The following SYT3 variants were observed in gnomAD, a reference collection of about 807,000 sequenced individuals.
The protein encoded by SYT3 is synaptotagmin-3.
SYT3 carries 25 observed loss-of-function variants against 50.6 expected under a neutral mutation model. The observed-to-expected ratio is 0.49, with a 90% confidence interval of 0.36 to 0.69. The LOEUF (loss-of-function observed/expected upper bound fraction) is 0.69, where lower values mean the gene tolerates loss of function less well. SYT3 is among the 30% of genes least tolerant of loss of function. The pLI is 0.00. For missense variants in SYT3, 589 were observed against 793.6 expected (o/e 0.74, Z 3.10); for synonymous variants, 323 against 353.9 (o/e 0.91, Z 0.98).
chr19:50,629,260 G>A (rs767946573), intron 6 of SYT3, 34 bp downstream of exon 6: 2 of 1,545,098 alleles, frequency 1.3e-6, no homozygotes, highest in South Asian at 2.4e-5. Context: ...TCAGGGCCCT[G>A]GGAAGGGGAA....
At chr19:50,655,625 G>T in the SYT3 span, among the ~76,000 whole-genome samples, 2 of 151,692 alleles carry the variant, frequency 1.3e-5, no homozygotes, top group Non-Finnish European at 2.9e-5. Context: ...CTCCAGCCTG[G>T]GCGACAGAAC....
rs1212928590 is a variant in SYT3 at position 50,637,184 on chromosome 19, G to A, written c.148+80C>T. 1 of 1,536,880 alleles carries A rather than the reference G, an allele frequency of 6.5e-7. No individual in the cohort carries two copies. The highest frequency in any genetic ancestry group is 1.4e-5 in the African/African-American group (1 of 73,670). On this transcript the variant is annotated intron_variant, in intron 3 of 10. Coordinates refer to ENST00000600079, the MANE Select transcript of SYT3 (RefSeq NM_001160329.2). This position sits in a 1 kb window ranked among gnomAD's most constrained non-coding sequence, Gnocchi z 4.9. ...ACGAGGGACTGACCCCACAAGCAAT[G>A]GAAAGCTGAGCAGTTCTGCTCCGAG...
the SYT3 span, among the ~76,000 whole-genome samples, chr19:50,646,373 C>T: frequency 6.6e-6 from 1 of 151,864 alleles, no homozygotes; most frequent in African/African-American, 2.4e-5. Flanking sequence ...TATGTTGGCT[C>T]GTGAAGACCA....
In SYT3 at chr19:50,632,780, CACGAT is replaced by C; in HGVS notation, c.175_179del (p.Ile59AspfsTer84). 1 of 1,520,608 alleles carries C rather than the reference CACGAT, an allele frequency of 6.6e-7. No individual in the cohort carries two copies. Among genetic ancestry groups the C allele is most frequent in the Non-Finnish European group, 8.8e-7 (1 of 1,136,478 alleles). 94.2% of individuals were successfully genotyped at this position (1,520,608 alleles called of 1,614,324 possible). ...CCAGAAGGACAATGCCACAGAATGT[CACGAT>C]GACCGACAGCAGGCTCACGGAGATG... On this transcript the variant is annotated frameshift_variant, in exon 4 of 11. Coordinates refer to ENST00000600079, the MANE Select transcript of SYT3 (RefSeq NM_001160329.2). LOFTEE classifies it high-confidence loss of function. This position sits in a 1 kb window ranked among gnomAD's most constrained non-coding sequence, Gnocchi z 4.7.
intron 4 of SYT3, among the ~76,000 whole-genome samples, chr19:50,631,167 CTT>C (rs869146014): frequency 0.044 from 902 of 20,606 alleles, 3 homozygotes; most frequent in African/African-American, 0.17. Context: ...TTCTTTCTTT[CTT>C]TTTTTTTTTT....
At chr19:50,643,260 G>A (rs140615163), upstream of SYT3, among the ~76,000 whole-genome samples, 511 of 152,146 alleles carry the variant, frequency 3.4e-3, 2 homozygotes, top group Non-Finnish European at 6.4e-3. Context: ...AGTCCCACCT[G>A]CTTGGGGGGA....
the SYT3 span, among the ~76,000 whole-genome samples, chr19:50,650,583 A>G: frequency 3.3e-5 from 5 of 152,260 alleles, no homozygotes; most frequent in Admixed American, 6.5e-5. Flanking sequence ...AGGCAGGAGA[A>G]TCGCTTGAAC....
the SYT3 span, among the ~76,000 whole-genome samples, chr19:50,650,688 A>G: frequency 6.6e-6 from 1 of 152,148 alleles, no homozygotes; most frequent in Admixed American, 6.5e-5. Context: ...AAAACAAACA[A>G]ACAAACAAAC....
At chr19:50,635,484 CAGT>C (rs1984467734) in intron 3 of SYT3, among the ~76,000 whole-genome samples, 1 of 152,198 alleles carries the variant, frequency 6.6e-6, no homozygotes, top group Non-Finnish European at 1.5e-5. Context: ...TGTAGTTGCG[CAGT>C]AGAAGATTCA....
chr19:50,642,257 T>C (rs1984694562), upstream of SYT3, among the ~76,000 whole-genome samples: 2 of 152,250 alleles, frequency 1.3e-5, no homozygotes. Flanking sequence ...GGTAGCCCTG[T>C]TCCACAGGGA....
the SYT3 span, among the ~76,000 whole-genome samples, chr19:50,655,445 T>G: frequency 3.9e-5 from 6 of 152,026 alleles, no homozygotes; most frequent in South Asian, 6.2e-4. Context: ...GGTCATGAGA[T>G]TGAGATCATC....
At position 50,639,416 on chromosome 19, in the gene SYT3, A is replaced by AT. The variant is rs372300675; in HGVS notation, c.-153-255dup. ...GCCTCCGGGCTGCAGAGAGGATGGG[A>AT]TTTTTTTTTTTTTTTTAAGGTTTTG... On this transcript the variant is annotated intron_variant, in intron 1 of 10. Coordinates refer to ENST00000600079, the MANE Select transcript of SYT3 (RefSeq NM_001160329.2). The surrounding 1 kb of genome is among the most constrained non-coding windows in gnomAD (Gnocchi z 4.6). The AT allele has an allele frequency of 6.3e-3, 905 of 143,890 alleles. 8 individuals carry two copies. Among genetic ancestry groups the AT allele is most frequent in the African/African-American group, 0.014 (534 of 39,410 alleles). 8.9% of individuals were successfully genotyped at this position (143,890 alleles called of 1,614,324 possible).
chr19:50,640,591 C>A (rs145540248), upstream of SYT3, among the ~76,000 whole-genome samples: 1,071 of 152,252 alleles, frequency 7.0e-3, 10 homozygotes, highest in African/African-American at 0.024. Context: ...ACAGAGGAGA[C>A]AACTGAGGCC....
At chr19:50,626,840 G>A (rs1389185289) in intron 6 of SYT3, among the ~76,000 whole-genome samples, 2 of 151,774 alleles carry the variant, frequency 1.3e-5, no homozygotes, top group Non-Finnish European at 2.9e-5. Context: ...GGTTGGGGGT[G>A]CATAAAGACC....
chr19:50,656,440 A>C, the SYT3 span: 3 of 1,428,258 alleles, frequency 2.1e-6, no homozygotes, highest in Non-Finnish European at 2.8e-6. Context: ...GTTTAAATTC[A>C]GGCTTTTGGC....
chr19:50,649,545 C>A, the SYT3 span: 1 of 1,534,118 alleles, frequency 6.5e-7, no homozygotes. Context: ...AAGGGGTGGA[C>A]TTCCTCCATC....
At chr19:50,648,018 A>C in the SYT3 span, among the ~76,000 whole-genome samples, 2 of 152,208 alleles carry the variant, frequency 1.3e-5, no homozygotes, top group African/African-American at 4.8e-5. Flanking sequence ...TGACCTAAGC[A>C]TAAAAGGAAG....
rs374199250 is a variant in SYT3 at position 50,627,518 on chromosome 19, C to T, written c.1282-1501G>A. Among the ~76,000 whole-genome samples, 5 of 152,210 alleles carry T rather than the reference C, an allele frequency of 3.3e-5. No homozygotes were observed. In the East Asian group the frequency reaches 7.7e-4, roughly 23 times the overall value. ...GGCGGTTAACCTGAGCTCAGGAGTT[C>T]GAGACCAGCCTGGCCAGCATGGCGA... is the stretch of plus-strand genomic sequence containing the variant. On this transcript the variant is annotated intron_variant, in intron 6 of 10. Coordinates refer to ENST00000600079, the MANE Select transcript of SYT3 (RefSeq NM_001160329.2).
At chr19:50,656,091 G>C in the SYT3 span, 1 of 1,536,002 alleles carries the variant, frequency 6.5e-7, no homozygotes. Context: ...GGAGATGCAG[G>C]CTCGGAGCCT....
Sources: allele counts gnomAD v4.1 joint callset (sites outside exome capture counted in the v4.1 genomes callset), GRCh38; gene constraint gnomAD v4.1.1; non-coding constraint Gnocchi (gnomAD v3.1); transcripts MANE v1.5; gene names NCBI Gene and HGNC (gene_info 2026-07-23, HGNC 2026-07-21).